Variants in EHF observed in about 807,000 individuals in gnomAD.
The protein encoded by EHF is ESE3 transcription factor.
A neutral mutation model predicts 45.1 loss-of-function variants in EHF; 14 were observed. That is an observed-to-expected ratio of 0.31 (90% CI 0.21 to 0.49). The LOEUF (loss-of-function observed/expected upper bound fraction) is 0.49. EHF is among the 20% of genes least tolerant of loss of function. The pLI is 0.99. For synonymous variants in EHF, 136 were observed against 131.8 expected (o/e 1.03, Z -0.22); for missense variants, 282 against 371.4 (o/e 0.76, Z 1.98).
intron 1 of EHF, among the ~76,000 whole-genome samples, chr11:34,640,648 T>C (rs1482052960): frequency 6.6e-6 from 1 of 152,180 alleles, no homozygotes; most frequent in Non-Finnish European, 1.5e-5. Context: ...CTCTACAAAG[T>C]TGGATGGGAA....
chr11:34,627,153 C>A (rs1042854105), intron 1 of EHF, among the ~76,000 whole-genome samples: 1 of 150,382 alleles, frequency 6.6e-6, no homozygotes, highest in Non-Finnish European at 1.5e-5. Context: ...TGGCGATCAA[C>A]ATTGGTTCTT....
chr11:34,632,235 G>A lies in EHF; in HGVS notation c.-3-10393G>A, dbSNP rs568451799. On this transcript the variant is annotated intron_variant, in intron 1 of 8. Coordinates refer to ENST00000257831, the MANE Select transcript of EHF (RefSeq NM_012153.6). Reference sequence around the variant, plus strand: ...TTCCTACAAATCAATGCTTAACTGCGTTGTTATCGGAGCAGAGCAACAGGT... The same window carrying A: ...TTCCTACAAATCAATGCTTAACTGCATTGTTATCGGAGCAGAGCAACAGGT... Among the ~76,000 whole-genome samples, 8 of 152,240 alleles carry A rather than the reference G, an allele frequency of 5.3e-5. No individual in the cohort carries two copies. In the South Asian group the frequency reaches 1.0e-3, roughly 20 times the overall value.
chr11:34,636,781 C>T (rs569720230), intron 1 of EHF, among the ~76,000 whole-genome samples: 3 of 152,286 alleles, frequency 2.0e-5, no homozygotes, highest in South Asian at 4.1e-4. Context: ...GCCTGTAATC[C>T]CAGCACTTTG....
intron 1 of EHF, among the ~76,000 whole-genome samples, chr11:34,635,930 GC>G (rs1346278002): frequency 3.9e-5 from 6 of 152,062 alleles, no homozygotes; most frequent in African/African-American, 1.4e-4. Context: ...TCCAAGCCCC[GC>G]TGTTTATAGT....
At chr11:34,637,207 A>C (rs1853515179) in intron 1 of EHF, among the ~76,000 whole-genome samples, 1 of 152,044 alleles carries the variant, frequency 6.6e-6, no homozygotes, top group Non-Finnish European at 1.5e-5. Context: ...GGAGACTCTT[A>C]AACTTTAGGG....
chr11:34,657,197 A>G (rs1285340153), intron 7 of EHF, among the ~76,000 whole-genome samples: 3 of 152,166 alleles, frequency 2.0e-5, no homozygotes, highest in African/African-American at 4.8e-5. Flanking sequence ...CTGTTCTGTC[A>G]TATGTGCTCT....
At chr11:34,637,612 A>G (rs1719321070) in intron 1 of EHF, among the ~76,000 whole-genome samples, 1 of 152,160 alleles carries the variant, frequency 6.6e-6, no homozygotes, top group African/African-American at 2.4e-5. Context: ...CTAAGGCTAA[A>G]TAGGTCTTGG....
intron 6 of EHF, 101 bp from the exon 7 acceptor site, chr11:34,656,807 A>G (rs1855715732): frequency 7.6e-7 from 1 of 1,324,494 alleles, no homozygotes; most frequent in Admixed American, 2.1e-5. Context: ...CCAGGCATGC[A>G]GTAGGTGCTC....
At chr11:34,648,553 A>G (rs1274287519) in intron 3 of EHF, among the ~76,000 whole-genome samples, 1 of 152,234 alleles carries the variant, frequency 6.6e-6, no homozygotes, top group Non-Finnish European at 1.5e-5. Context: ...AAATCAAAGA[A>G]GAATCAAGCT....
intron 6 of EHF, 24 bp downstream of exon 6, chr11:34,651,829 C>T: frequency 6.2e-7 from 1 of 1,605,662 alleles, no homozygotes; most frequent in Non-Finnish European, 8.5e-7. Flanking sequence ...ACATCTGAGG[C>T]TGGGTATGCC....
At position 34,646,486 on chromosome 11, in the gene EHF, T is replaced by C; in HGVS notation, c.145T>C (p.Tyr49His). 6.2e-7 allele frequency: 1 copy of C among 1,614,126 alleles called. No individual in the cohort carries two copies. The highest frequency in any genetic ancestry group is 8.5e-7 in the Non-Finnish European group (1 of 1,179,990). The change falls in exon 3 of 9, where the codon TAC (tyrosine) becomes CAC (histidine). Residue 49 changes from tyrosine (Y) to histidine (H), a missense_variant. Transcript: ENST00000257831. ...CCAGTGGCATGAAATTCATCCTCAG[T>C]ACTGGACCAAGTACCAGGTGTGGGA... ...GGQWHEIHPQ[Y>H]WTKYQVWEWL...
At chr11:34,632,423 A>G (rs1342500391) in intron 1 of EHF, 2 of 1,449,886 alleles carry the variant, frequency 1.4e-6, no homozygotes, top group Non-Finnish European at 1.8e-6. Context: ...CTACACATAA[A>G]CACACCATTG....
chr11:34,635,011 T>TCCTAA (rs2134036195), intron 1 of EHF, among the ~76,000 whole-genome samples: 1 of 152,322 alleles, frequency 6.6e-6, no homozygotes, highest in South Asian at 2.1e-4. Flanking sequence ...CCTCTGTGCC[T>TCCTAA]CAGAGAGGCC....
rs1158183060 is a variant in EHF, at chr11:34,651,739, T to G, written c.478T>G (p.Leu160Val). The change falls in exon 6 of 9, where the codon TTG (leucine) becomes GTG (valine). Residue 160 changes from leucine to valine, a missense_variant and splice_region_variant. By Grantham distance (32) the Leu-to-Val change is conservative. Transcript: ENST00000257831. The part of the protein sequence containing the change: ...YDTNYGSTVD[L>V]LDSKTFCRAQ... ...CCTTTATCTTTTCATGGCCACAGATTTGTTGGACAGCAAAACTTTCTGCCG... is the reference window on the plus strand; with the variant it reads ...CCTTTATCTTTTCATGGCCACAGATGTGTTGGACAGCAAAACTTTCTGCCG... 1.2e-6 allele frequency: 2 copies of G among 1,614,018 alleles called. No individual in the cohort carries two copies. The highest frequency in any genetic ancestry group is 1.7e-5 in the Admixed American group (1 of 60,002).
At chr11:34,646,365 A>C (rs1333779574) in intron 2 of EHF, 74 bp from the exon 3 acceptor site, 3 of 1,592,620 alleles carry the variant, frequency 1.9e-6, no homozygotes, top group South Asian at 1.2e-5. Context: ...GGCAGCCAAC[A>C]GTACATCCCT....
intron 1 of EHF, chr11:34,622,363 C>T: frequency 1.6e-6 from 2 of 1,266,956 alleles, no homozygotes; most frequent in Non-Finnish European, 2.1e-6. Flanking sequence ...TGAATGGATT[C>T]CAAGAACTTA....
intron 2 of EHF, among the ~76,000 whole-genome samples, chr11:34,645,900 G>A (rs1854462651): frequency 6.6e-6 from 1 of 152,128 alleles, no homozygotes; most frequent in Non-Finnish European, 1.5e-5. Context: ...CTAGGCTGGG[G>A]CAGTGGGATA....
intron 1 of EHF, among the ~76,000 whole-genome samples, chr11:34,623,567 C>T (rs1852131728): frequency 6.6e-6 from 1 of 152,042 alleles, no homozygotes; most frequent in Non-Finnish European, 1.5e-5. Context: ...TTTCTGACTC[C>T]TTGAAGGTAT....
At chr11:34,623,242 T>A (rs1030470120) in intron 1 of EHF, among the ~76,000 whole-genome samples, 2 of 152,098 alleles carry the variant, frequency 1.3e-5, no homozygotes, top group African/African-American at 4.8e-5. Context: ...CTCGCCACTA[T>A]GCCCAGTTAA....
Sources: allele counts gnomAD v4.1 joint callset (sites outside exome capture counted in the v4.1 genomes callset), GRCh38; gene constraint gnomAD v4.1.1; transcripts MANE v1.5; gene names NCBI Gene and HGNC (gene_info 2026-07-23, HGNC 2026-07-21).